The following HNRNPAB variants were observed in gnomAD, a reference collection of about 807,000 sequenced individuals.
HNRNPAB encodes heterogeneous nuclear ribonucleoprotein A/B, also known as ABBP-1.
Under a neutral mutation model 44.1 loss-of-function variants are expected in HNRNPAB, and 17 were observed. The observed-to-expected ratio is 0.39, with a 90% CI of 0.26 to 0.58. The LOEUF is 0.58. Ranked by LOEUF, HNRNPAB falls within the 20% of genes least tolerant of loss-of-function variation. HNRNPAB has a pLI of 0.63. For synonymous variants in HNRNPAB, 183 were observed against 167.6 expected, an observed-to-expected ratio of 1.09 and a Z score of -0.71; for missense variants, 393 against 432.7, an observed-to-expected ratio of 0.91 and a Z score of 0.81.
chr5:178,210,291 G>C lies in HNRNPAB; in HGVS notation c.928+19G>C. 1 of 1,614,040 alleles carries C rather than the reference G, an allele frequency of 6.2e-7. No individual in the cohort carries two copies. ...GACTACAGTAAGTAGGAGAGAGGGAGGCCCCATCCGCTCACCCCTCGTCCC... is the reference window on the plus strand; with the variant it reads ...GACTACAGTAAGTAGGAGAGAGGGACGCCCCATCCGCTCACCCCTCGTCCC... On this transcript the variant is annotated intron_variant, in intron 7 of 7. Coordinates refer to ENST00000358344, the MANE Select transcript of HNRNPAB (RefSeq NM_031266.3).
chr5:178,211,061 G>T lies in HNRNPAB; in HGVS notation c.*438G>T. 5.3e-6 allele frequency: 1 copy of T among 189,394 alleles called. No homozygotes were observed. Among genetic ancestry groups the T allele is most frequent in the Non-Finnish European group, 1.1e-5 (1 of 90,732 alleles). 11.7% of individuals were successfully genotyped at this position (189,394 alleles called of 1,614,324 possible). ...TTACTGTACTTTTTGGTACCTTTTGGGAATCTAATGTATTGTAAGGTATTT... is the reference window on the plus strand; with the variant it reads ...TTACTGTACTTTTTGGTACCTTTTGTGAATCTAATGTATTGTAAGGTATTT... On this transcript the variant is annotated 3_prime_UTR_variant, in exon 8 of 8. Coordinates refer to ENST00000358344, the MANE Select transcript of HNRNPAB (RefSeq NM_031266.3).
rs372171620 is a variant in HNRNPAB at position 178,205,875 on chromosome 5, T to A, written c.243T>A (p.Thr81=). 9.9e-6 allele frequency: 16 copies of A among 1,613,942 alleles called. No individual in the cohort carries two copies. The highest frequency in any genetic ancestry group is 1.3e-5 in the Non-Finnish European group (15 of 1,179,970). Reference sequence around the variant, plus strand: ...TCGTTGGTGGCCTGAGCTGGGATACTAGCAAAAAAGATTTAAAAGACTATT... The same window carrying A: ...TCGTTGGTGGCCTGAGCTGGGATACAAGCAAAAAAGATTTAAAAGACTATT... ...KMFVGGLSWD[T]SKKDLKDYFT... Residue 81 remains threonine (T), a synonymous_variant, in exon 3 of 8, where the codon ACT becomes ACA. Coordinates refer to ENST00000358344, the MANE Select transcript of HNRNPAB (RefSeq NM_031266.3).
At chr5:178,206,139 C>A in intron 3 of HNRNPAB, 129 bp downstream of exon 3, 1 of 840,918 alleles carries the variant, frequency 1.2e-6, no homozygotes, top group Non-Finnish European at 1.9e-6. Context: ...AAACCCAAAG[C>A]CGGAGGTTAT....
chr5:178,208,292 G>T (rs1341849031), intron 5 of HNRNPAB, among the ~76,000 whole-genome samples: 1 of 152,180 alleles, frequency 6.6e-6, no homozygotes, highest in East Asian at 1.9e-4. Flanking sequence ...CTGGGAGTTT[G>T]GAAAGAGTGG....
At chr5:178,205,735 C>CT (rs1474132973) in intron 2 of HNRNPAB, 107 bp from the exon 3 acceptor site, 35 of 1,041,442 alleles carry the variant, frequency 3.4e-5, no homozygotes, top group Middle Eastern at 4.5e-4. Flanking sequence ...CTTGCAGACT[C>CT]TAAGGGTAGC....
At chr5:178,209,194 C>G in intron 5 of HNRNPAB, 136 bp from the exon 6 acceptor site, 1 of 746,606 alleles carries the variant, frequency 1.3e-6, no homozygotes, top group South Asian at 1.6e-5. Context: ...CAAAGGTGGC[C>G]TCCCATACTA....
Position 178,207,118 on chromosome 5 carries a change from G to C in HNRNPAB, c.562G>C (p.Asp188His). ...GEIEAIELPM[D>H]PKLNKRRGFV... ...GATTGAGGCCATTGAATTGCCAATG[G>C]ATCCAAAGTTGAACAAAAGACGAGG... The change falls in exon 5 of 8, where the codon GAT becomes CAT. Residue 188 changes from aspartate (D) to histidine (H), a missense_variant. By Grantham distance (81) the Asp-to-His change is moderately conservative. Around this residue, in one of 3 missense-constraint regions of HNRNPAB, gnomAD observed 210 missense variants for 196.9 expected, o/e 1.07. Transcript: ENST00000358344. The C allele has an allele frequency of 6.2e-7, 1 of 1,614,160 alleles. No homozygotes were observed. Among genetic ancestry groups the C allele is most frequent in the Non-Finnish European group, 8.5e-7 (1 of 1,180,016 alleles).
At chr5:178,205,264 C>T (rs1353960300) in intron 2 of HNRNPAB, among the ~76,000 whole-genome samples, 2 of 151,024 alleles carry the variant, frequency 1.3e-5, no homozygotes, top group Admixed American at 6.6e-5. Context: ...GCCCCGGGGC[C>T]GCTCGCGCGC....
intron 3 of HNRNPAB, among the ~76,000 whole-genome samples, 190 bp downstream of exon 3, chr5:178,206,200 ATG>A (rs1238606000): frequency 2.6e-5 from 4 of 152,180 alleles, no homozygotes; most frequent in East Asian, 1.9e-4. Flanking sequence ...GAGTGAGAGA[ATG>A]TGCTGGAGTG....
Position 178,204,724 on chromosome 5 carries a change from G to T in HNRNPAB, c.-40G>T. On this transcript the variant is annotated 5_prime_UTR_variant, in exon 1 of 8. Coordinates refer to ENST00000358344, the MANE Select transcript of HNRNPAB (RefSeq NM_031266.3). Reference sequence around the variant, plus strand: ...CGGGTGGGGACGAGCGGGCCCCGCGGCGTCATCGGCGGCGAGGTGAGCGGC... The same window carrying T: ...CGGGTGGGGACGAGCGGGCCCCGCGTCGTCATCGGCGGCGAGGTGAGCGGC... 1.8e-6 allele frequency: 1 copy of T among 546,072 alleles called. No homozygotes were observed. Among genetic ancestry groups the T allele is most frequent in the Non-Finnish European group, 2.6e-6 (1 of 379,030 alleles). 33.8% of individuals were successfully genotyped at this position (546,072 alleles called of 1,614,324 possible).
Position 178,210,151 on chromosome 5 carries a change from T to TCAGGGCTACGGCAACTACTGGAAC in HNRNPAB, c.820_843dup (p.Asn274_Gly281dup), listed in dbSNP as rs760292313. 2 of 1,614,100 alleles carry TCAGGGCTACGGCAACTACTGGAAC rather than the reference T, an allele frequency of 1.2e-6. No homozygotes were observed. Among genetic ancestry groups the TCAGGGCTACGGCAACTACTGGAAC allele is most frequent in the Non-Finnish European group, 1.7e-6 (2 of 1,179,956 alleles). On this transcript the variant is annotated inframe_insertion, in exon 7 of 8. Coordinates refer to ENST00000358344, the MANE Select transcript of HNRNPAB (RefSeq NM_031266.3). ...CCACAGGTCAGAGTCAGAGTTGGAA[T>TCAGGGCTACGGCAACTACTGGAAC]CAGGGCTACGGCAACTACTGGAACC...
chr5:178,210,785 T>TC lies in HNRNPAB; in HGVS notation c.*164dup. The TC allele has an allele frequency of 1.5e-6, 1 of 654,664 alleles. No individual in the cohort carries two copies. 40.6% of individuals were successfully genotyped at this position (654,664 alleles called of 1,614,324 possible). A position where few individuals can be genotyped will look rare whatever the true frequency, so the allele number is the denominator to read the frequency against. Reference sequence around the variant, plus strand: ...GGAAATCACTCTCCTGTTGACTATTTCCAGAGCTCTAGGTGTTTAGGCAGC... The same window carrying TC: ...GGAAATCACTCTCCTGTTGACTATTTCCCAGAGCTCTAGGTGTTTAGGCAGC... On this transcript the variant is annotated 3_prime_UTR_variant, in exon 8 of 8. Transcript: ENST00000358344.
At chr5:178,205,118 G>A (rs1158938036) in intron 2 of HNRNPAB, 72 bp downstream of exon 2, 3 of 1,090,996 alleles carry the variant, frequency 2.7e-6, no homozygotes, top group East Asian at 3.8e-5. Context: ...GCCACGCGGC[G>A]GGGGGAGGGG....
Position 178,211,029 on chromosome 5 carries a change from G to GTTAA in HNRNPAB, c.*409_*412dup, listed in dbSNP as rs1758168484. 5.1e-6 allele frequency: 1 copy of GTTAA among 195,282 alleles called. No homozygotes were observed. Among genetic ancestry groups the GTTAA allele is most frequent in the Non-Finnish European group, 1.1e-5 (1 of 94,980 alleles). The allele number at this position is 195,282 out of a possible 1,614,324, so 12.1% of individuals were successfully genotyped here. A position where few individuals can be genotyped will look rare whatever the true frequency, so the allele number is the denominator to read the frequency against. ...GTCATACATTTCCTGTAACGGAAGT[G>GTTAA]TTAATTTTACTGTACTTTTTGGTAC... On this transcript the variant is annotated 3_prime_UTR_variant, in exon 8 of 8. Coordinates refer to ENST00000358344, the MANE Select transcript of HNRNPAB (RefSeq NM_031266.3).
rs564163483 is a variant in HNRNPAB at position 178,209,256 on chromosome 5, G to A, written c.670-74G>A. The A allele has an allele frequency of 6.0e-5, 67 of 1,124,082 alleles. No individual in the cohort carries two copies. The African/African-American group carries it at 7.8e-4, about 13-fold the overall frequency. 69.6% of individuals were successfully genotyped at this position (1,124,082 alleles called of 1,614,324 possible). On this transcript the variant is annotated intron_variant, in intron 5 of 7. Transcript: ENST00000358344. ...CCTGATCCACCATTTGATGTTTGTC[G>A]CAGTGAAGGTGTTTGGGCAGTCACT...
At position 178,210,720 on chromosome 5, in the gene HNRNPAB, T is replaced by C; in HGVS notation, c.*97T>C. 4 of 906,646 alleles carry C rather than the reference T, an allele frequency of 4.4e-6. No individual in the cohort carries two copies. The highest frequency in any genetic ancestry group is 7.3e-6 in the Non-Finnish European group (4 of 550,052). The allele number at this position is 906,646 out of a possible 1,614,324, so 56.2% of individuals were successfully genotyped here. A position where few individuals can be genotyped will look rare whatever the true frequency, so the allele number is the denominator to read the frequency against. ...CAAATTTAACTTGGCAAACTTTCTA[T>C]TGCCTGTCCCATGTGCATCTTATTT... On this transcript the variant is annotated 3_prime_UTR_variant, in exon 8 of 8. Coordinates refer to ENST00000358344, the MANE Select transcript of HNRNPAB (RefSeq NM_031266.3).
chr5:178,204,722 C>T lies in HNRNPAB; in HGVS notation c.-42C>T, dbSNP rs904245688. 6.2e-5 allele frequency: 33 copies of T among 533,422 alleles called. No homozygotes were observed. The East Asian group carries it at 1.1e-3, about 17-fold the overall frequency. The allele number at this position is 533,422 out of a possible 1,614,324, so 33.0% of individuals were successfully genotyped here. ...TGCGGGTGGGGACGAGCGGGCCCCG[C>T]GGCGTCATCGGCGGCGAGGTGAGCG... On this transcript the variant is annotated 5_prime_UTR_variant, in exon 1 of 8. Coordinates refer to ENST00000358344, the MANE Select transcript of HNRNPAB (RefSeq NM_031266.3).
At chr5:178,209,488 C>T (rs1478459652) in intron 6 of HNRNPAB, 41 bp downstream of exon 6, 1 of 1,537,218 alleles carries the variant, frequency 6.5e-7, no homozygotes, top group African/African-American at 1.4e-5. Flanking sequence ...GTTTCCCTGC[C>T]TACATGGAGC....
At chr5:178,210,033 C>T (rs1757704919) in intron 6 of HNRNPAB, 99 bp from the exon 7 acceptor site, 1 of 1,532,066 alleles carries the variant, frequency 6.5e-7, no homozygotes, top group African/African-American at 1.4e-5. Flanking sequence ...CCTGAGTTGC[C>T]ACAGTAACCC....
Sources: allele counts gnomAD v4.1 joint callset (sites outside exome capture counted in the v4.1 genomes callset), GRCh38; gene constraint gnomAD v4.1.1; regional missense constraint gnomAD v4.1.1; transcripts MANE v1.5; gene names NCBI Gene and HGNC (gene_info 2026-07-23, HGNC 2026-07-21).